GIT1: variants seen among roughly 807,000 people sequenced by gnomAD.
The protein encoded by GIT1 is ARF GTPase-activating protein GIT1.
Under a neutral mutation model 91.7 loss-of-function variants are expected in GIT1, and 14 were observed. The ratio of observed to expected loss-of-function variants is 0.15; its 90% CI spans 0.10 to 0.24. The LOEUF is 0.24. GIT1 is among the 10% of genes least tolerant of loss of function. The pLI is 1.00. For synonymous variants in GIT1, 414 were observed against 418.2 expected, an observed-to-expected ratio of 0.99 and a Z score of 0.12; for missense variants, 717 against 1,024.9, an observed-to-expected ratio of 0.70 and a Z score of 4.10.
At chr17:29,583,437 C>T in intron 2 of GIT1, 46 bp downstream of exon 2, 10 of 1,596,376 alleles carry the variant, frequency 6.3e-6, no homozygotes, top group Non-Finnish European at 8.5e-6. Flanking sequence ...ATGCTCAGCA[C>T]ACTCTGCCTG....
At position 29,576,526 on chromosome 17, in the gene GIT1, C is replaced by A. The variant is rs748242947; in HGVS notation, c.1376G>T (p.Arg459Leu). Reference sequence around the variant, plus strand: ...CCACCGAGGCTGCACCCTCACCTCTCGCTGCAGCCTCCGGAGCTCGTCGCT... The same window carrying A: ...CCACCGAGGCTGCACCCTCACCTCTAGCTGCAGCCTCCGGAGCTCGTCGCT... ...SLSDELRRLQ[R>L]EIHKLQAENL... is the part of the protein sequence containing the mutation. The change falls in exon 13 of 20, where the codon CGA (arginine) becomes CTA (leucine). Residue 459 changes from arginine to leucine, a missense_variant. Around this residue, in one of 3 missense-constraint regions of GIT1, gnomAD observed 312 missense variants for 349.5 expected, o/e 0.89. Transcript: ENST00000225394. 2 of 1,613,718 alleles carry A rather than the reference C, an allele frequency of 1.2e-6. No individual in the cohort carries two copies. Among genetic ancestry groups the A allele is most frequent in the African/African-American group, 1.3e-5 (1 of 74,898 alleles).
intron 7 of GIT1, among the ~76,000 whole-genome samples, chr17:29,579,617 G>A (rs1044174976): frequency 6.6e-6 from 1 of 151,920 alleles, no homozygotes; most frequent in Non-Finnish European, 1.5e-5. Flanking sequence ...TGTGCCTGTA[G>A]TCCCAGCTAC....
In GIT1 at chr17:29,582,753, A is replaced by G; in HGVS notation, c.350T>C (p.Val117Ala). The G allele has an allele frequency of 6.2e-7, 1 of 1,613,790 alleles. No individual in the cohort carries two copies. ...ATCGTCCCGGCAGGGAAGCTTGTGC[A>G]CAAATGCCAGCATCTGGTACTTGGC... is the stretch of plus-strand genomic sequence containing the variant. ...IRAKYQMLAFVHKLPCRDDDG... is the reference protein window; with the variant it reads ...IRAKYQMLAFAHKLPCRDDDG... Residue 117 changes from valine (V) to alanine (A), a missense_variant, in exon 4 of 20, where the codon GTG becomes GCG. Coordinates refer to ENST00000225394, the MANE Select transcript of GIT1 (RefSeq NM_014030.4).
At position 29,581,812 on chromosome 17, in the gene GIT1, C is replaced by A. The variant is rs147521939; in HGVS notation, c.648G>T (p.Ala216=). The A allele has an allele frequency of 6.2e-7, 1 of 1,612,630 alleles. No individual in the cohort carries two copies. The highest frequency in any genetic ancestry group is 1.7e-5 in the Admixed American group (1 of 60,014). The change falls in exon 6 of 20, where the codon GCG becomes GCT. Residue 216 remains alanine, a synonymous_variant. Coordinates refer to ENST00000225394, the MANE Select transcript of GIT1 (RefSeq NM_014030.4). This position sits in a 1 kb window ranked among gnomAD's most constrained non-coding sequence, Gnocchi z 4.8. ...CATATTGGCACTCAACCAGCCTTTC[C>A]GCCAGCTCATGGTGCCCCGCCTGCC... ...YARQAGHHEL[A]ERLVECQYEL...
At chr17:29,587,652 AC>A (rs1461437332) in intron 1 of GIT1, among the ~76,000 whole-genome samples, 14 of 152,098 alleles carry the variant, frequency 9.2e-5, no homozygotes, top group Non-Finnish European at 2.9e-5. Flanking sequence ...GAATCAGACC[AC>A]AGATTCGGAG....
intron 7 of GIT1, 144 bp from the exon 8 acceptor site, chr17:29,578,923 C>A: frequency 6.2e-7 from 1 of 1,608,740 alleles, no homozygotes; most frequent in Non-Finnish European, 8.5e-7. Context: ...CCCGCCCTAC[C>A]CCACCTTCAG....
intron 2 of GIT1, 134 bp from the exon 3 acceptor site, chr17:29,583,171 C>G: frequency 3.0e-6 from 2 of 668,856 alleles, no homozygotes. Flanking sequence ...CCCGCACCAC[C>G]ACACCTCCAT....
At position 29,574,913 on chromosome 17, in the gene GIT1, C is replaced by A. The variant is rs1204026850; in HGVS notation, c.2075G>T (p.Arg692Met). 2 of 1,561,450 alleles carry A rather than the reference C, an allele frequency of 1.3e-6. No individual in the cohort carries two copies. Reference sequence around the variant, plus strand: ...GCTCCGCACTGGCTCCAGGGCTGGCCTCTGGAGGGGGCAGGAGTGAGGCTG... The same window carrying A: ...GCTCCGCACTGGCTCCAGGGCTGGCATCTGGAGGGGGCAGGAGTGAGGCTG... Reference protein sequence around the residue: ...VTEMASLFPKRPALEPVRSSL... With the variant: ...VTEMASLFPKMPALEPVRSSL... The change falls in exon 20 of 20, where the codon AGG (arginine) becomes ATG (methionine). Residue 692 changes from arginine (R) to methionine (M), a missense_variant and splice_region_variant. This residue lies in a region of GIT1 where 134 missense variants were observed against 223.8 expected (regional missense o/e 0.60). Transcript: ENST00000225394.
chr17:29,578,257 G>T (rs748649718), intron 9 of GIT1, 42 bp downstream of exon 9: 1 of 1,520,136 alleles, frequency 6.6e-7, no homozygotes, highest in South Asian at 1.1e-5. Context: ...TGCCTGGGCC[G>T]CTCGGGTCCT....
rs905745235 is a variant in GIT1, at chr17:29,573,810, A to AT, written c.*891dup. 1 of 152,658 alleles carries AT rather than the reference A, an allele frequency of 6.6e-6. No individual in the cohort carries two copies. The highest frequency in any genetic ancestry group is 6.5e-5 in the Admixed American group (1 of 15,286). The allele number at this position is 152,658 out of a possible 1,614,324, so 9.5% of individuals were successfully genotyped here. A position where few individuals can be genotyped will look rare whatever the true frequency, so the allele number is the denominator to read the frequency against. On this transcript the variant is annotated 3_prime_UTR_variant, in exon 20 of 20. Transcript: ENST00000225394. ...CAGTCCTCCACCCTAGCCAGCACAC[A>AT]TTCCCCCTCCACGCAGGAGCAGGAG...
chr17:29,580,213 G>A (rs188517280), intron 7 of GIT1, among the ~76,000 whole-genome samples: 5 of 152,302 alleles, frequency 3.3e-5, no homozygotes, highest in East Asian at 1.9e-4. Flanking sequence ...AGCTGGCTCC[G>A]GGAAGGTGCT....
intron 1 of GIT1, 154 bp from the exon 2 acceptor site, chr17:29,583,770 T>C: frequency 1.2e-6 from 1 of 804,372 alleles, no homozygotes; most frequent in Non-Finnish European, 1.9e-6. Context: ...ACGGCCAGGT[T>C]ACCAGTGAGG....
intron 1 of GIT1, among the ~76,000 whole-genome samples, chr17:29,584,224 T>C (rs1372586770): frequency 6.6e-6 from 1 of 152,254 alleles, no homozygotes; most frequent in Non-Finnish European, 1.5e-5. Context: ...TTATGTGTGA[T>C]GCTGCTTGCA....
At chr17:29,585,102 G>C (rs2033548591) in intron 1 of GIT1, among the ~76,000 whole-genome samples, 1 of 151,972 alleles carries the variant, frequency 6.6e-6, no homozygotes, top group African/African-American at 2.4e-5. Flanking sequence ...CTTCCTGGGG[G>C]GCTGACTCCA....
rs1291103070 is a variant in GIT1 at position 29,582,042 on chromosome 17, G to C, written c.508C>G (p.Pro170Ala). The change falls in exon 5 of 20, where the codon CCT becomes GCT. Residue 170 changes from proline to alanine, a missense_variant. By Grantham distance (27) the Pro-to-Ala change is conservative. Transcript: ENST00000225394. ...NFFHPEKGTT[P>A]LHVAAKAGQT... ...CCTGCCTTGGCAGCCACGTGCAGAGGTGTGGTGCCCTTCTCTGGGTGGAAG... is the reference window on the plus strand; with the variant it reads ...CCTGCCTTGGCAGCCACGTGCAGAGCTGTGGTGCCCTTCTCTGGGTGGAAG... The C allele has an allele frequency of 1.2e-6, 2 of 1,611,634 alleles. No individual in the cohort carries two copies. The highest frequency in any genetic ancestry group is 1.7e-6 in the Non-Finnish European group (2 of 1,179,972).
rs1032682645 is a variant in GIT1, at chr17:29,575,730, A to T, written c.1753-27T>A. The T allele has an allele frequency of 1.2e-6, 2 of 1,611,458 alleles. No individual in the cohort carries two copies. Among genetic ancestry groups the T allele is most frequent in the African/African-American group, 2.7e-5 (2 of 74,876 alleles). ...TGGAGGGCGGAGGGAAGGGGCTGTGAGCGCCGTGTTCCTGGACCCACACTG... is the reference window on the plus strand; with the variant it reads ...TGGAGGGCGGAGGGAAGGGGCTGTGTGCGCCGTGTTCCTGGACCCACACTG... On this transcript the variant is annotated intron_variant, in intron 16 of 19. Coordinates refer to ENST00000225394, the MANE Select transcript of GIT1 (RefSeq NM_014030.4). This position sits in a 1 kb window ranked among gnomAD's most constrained non-coding sequence, Gnocchi z 5.5.
Position 29,574,355 on chromosome 17 carries a change from G to A in GIT1, c.*347C>T. The A allele has an allele frequency of 3.1e-6, 1 of 325,118 alleles. No individual in the cohort carries two copies. Among genetic ancestry groups the A allele is most frequent in the South Asian group, 3.3e-5 (1 of 30,070 alleles). The allele number at this position is 325,118 out of a possible 1,614,324, so 20.1% of individuals were successfully genotyped here. A position where few individuals can be genotyped will look rare whatever the true frequency, so the allele number is the denominator to read the frequency against. On this transcript the variant is annotated 3_prime_UTR_variant, in exon 20 of 20. Coordinates refer to ENST00000225394, the MANE Select transcript of GIT1 (RefSeq NM_014030.4). ...TGGGGGTGGGGCGCATGTACGGAGA[G>A]CTGCCCCACTTGGAGTGTCCCCACC...
intron 8 of GIT1, 133 bp from the exon 9 acceptor site, chr17:29,578,504 T>C: frequency 1.1e-6 from 1 of 895,424 alleles, no homozygotes; most frequent in Non-Finnish European, 1.9e-6. Flanking sequence ...AGTCTCAGAA[T>C]GGGAAAGTGG....
chr17:29,581,790 A>G lies in GIT1; in HGVS notation c.670T>C (p.Tyr224His). ...ELAERLVECQ[Y>H]ELTDRLAFYL... ...AAGGCCAGCCGGTCAGTGAGCTCAT[A>G]TTGGCACTCAACCAGCCTTTCCGCC... Residue 224 changes from tyrosine to histidine, a missense_variant, in exon 6 of 20, where the codon TAT becomes CAT. Transcript: ENST00000225394. This position sits in a 1 kb window ranked among gnomAD's most constrained non-coding sequence, Gnocchi z 4.8. 6.2e-7 allele frequency: 1 copy of G among 1,612,442 alleles called. No individual in the cohort carries two copies. The highest frequency in any genetic ancestry group is 8.5e-7 in the Non-Finnish European group (1 of 1,179,938).
Sources: allele counts gnomAD v4.1 joint callset (sites outside exome capture counted in the v4.1 genomes callset), GRCh38; gene constraint gnomAD v4.1.1; regional missense constraint gnomAD v4.1.1; non-coding constraint Gnocchi (gnomAD v3.1); transcripts MANE v1.5; gene names NCBI Gene and HGNC (gene_info 2026-07-23, HGNC 2026-07-21).